The following COL5A1 variants were observed in gnomAD, a reference collection of about 807,000 sequenced individuals.
The protein encoded by COL5A1 is collagen alpha-1(V) chain.
In COL5A1, 16 loss-of-function variants were observed where a neutral mutation model predicts 263.7. That is an observed-to-expected ratio of 0.06 (90% CI 0.04 to 0.09). COL5A1 has a LOEUF of 0.09. Among genes scored for constraint, COL5A1 ranks in the 10% least tolerant of loss-of-function variants. COL5A1 has a pLI of 1.00. For missense variants in COL5A1, 2,036 were observed against 2,540.5 expected (o/e 0.80, Z 4.27); for synonymous variants, 1,012 against 1,004.5 (o/e 1.01, Z -0.14).
chr9:134,683,534 C>G (rs982459869), intron 1 of COL5A1, among the ~76,000 whole-genome samples: 3 of 152,210 alleles, frequency 2.0e-5, no homozygotes, highest in Non-Finnish European at 4.4e-5. Flanking sequence ...CTTGATCCAG[C>G]TACTCAAACT....
At chr9:134,712,753 T>C (rs1052201484) in intron 4 of COL5A1, among the ~76,000 whole-genome samples, 1 of 150,636 alleles carries the variant, frequency 6.6e-6, no homozygotes, top group South Asian at 2.1e-4. Context: ...TTTCTGGCCC[T>C]AGACCCTGGT....
intron 64 of COL5A1, among the ~76,000 whole-genome samples, chr9:134,831,754 C>A (rs914336912): frequency 6.6e-6 from 1 of 152,224 alleles, no homozygotes; most frequent in African/African-American, 2.4e-5. Context: ...CTATTTTCCT[C>A]GCTTGGAGGA....
intron 1 of COL5A1, among the ~76,000 whole-genome samples, chr9:134,684,086 G>A (rs990023957): frequency 2.6e-5 from 4 of 152,198 alleles, no homozygotes; most frequent in African/African-American, 7.2e-5. Flanking sequence ...GTGGAGAAGC[G>A]TTCTTTCATG....
intron 2 of COL5A1, among the ~76,000 whole-genome samples, chr9:134,697,784 C>A (rs1833533247): frequency 6.6e-6 from 1 of 152,168 alleles, no homozygotes; most frequent in Admixed American, 6.5e-5. Flanking sequence ...TCTCCAGAGT[C>A]CCCCGCCCAC....
intron 22 of COL5A1, 60 bp from the exon 23 acceptor site, chr9:134,766,940 C>G: frequency 6.6e-7 from 1 of 1,512,706 alleles, no homozygotes; most frequent in Non-Finnish European, 9.1e-7. Flanking sequence ...CACACGACAC[C>G]CAGGAAGGGG....
intron 57 of COL5A1, among the ~76,000 whole-genome samples, chr9:134,819,274 C>T (rs1006108282): frequency 2.0e-5 from 3 of 152,150 alleles, no homozygotes; most frequent in South Asian, 2.1e-4. Flanking sequence ...CGGGAGATCC[C>T]GGAGGCCCCT....
Position 134,652,930 on chromosome 9 carries a change from G to GTT in COL5A1, c.109+10634_109+10635insTT, listed in dbSNP as rs1409879216. 6.1e-6 allele frequency: 2 copies of GTT among 325,916 alleles called. No individual in the cohort carries two copies. The highest frequency in any genetic ancestry group is 6.2e-6 in the Non-Finnish European group (1 of 161,342). 20.2% of individuals were successfully genotyped at this position (325,916 alleles called of 1,614,324 possible). On this transcript the variant is annotated intron_variant, in intron 1 of 65. Coordinates refer to ENST00000371817, the MANE Select transcript of COL5A1 (RefSeq NM_000093.5). This position sits in a 1 kb window ranked among gnomAD's most constrained non-coding sequence, Gnocchi z 4.4. ...ACGAAGTCAGTTCCCAGACCACGCG[G>GTT]ATGCTGGAGCGTCTGGGGGTGCCAC...
intron 7 of COL5A1, among the ~76,000 whole-genome samples, chr9:134,731,231 C>T (rs1464436805): frequency 6.6e-6 from 1 of 152,202 alleles, no homozygotes; most frequent in Non-Finnish European, 1.5e-5. Flanking sequence ...TGGGGTGCAG[C>T]CCCTGCCTGA....
chr9:134,728,772 G>A lies in COL5A1; in HGVS notation c.889G>A (p.Val297Met), dbSNP rs757893904. 3.1e-6 allele frequency: 5 copies of A among 1,614,208 alleles called. No homozygotes were observed. Among genetic ancestry groups the A allele is most frequent in the Admixed American group, 1.7e-5 (1 of 60,032 alleles). ...GGAGCCCACCCCCAGCAAGAAGCCC[G>A]TGGAAGCTGCCAAAGAAACCACAGA... The part of the protein sequence containing the change: ...GKEPTPSKKP[V>M]EAAKETTEVP... The change falls in exon 6 of 66, where the codon GTG (valine) becomes ATG (methionine). Residue 297 changes from valine (V) to methionine (M), a missense_variant. Physicochemically the swap from Val to Met is conservative, Grantham distance 21. Coordinates refer to ENST00000371817, the MANE Select transcript of COL5A1 (RefSeq NM_000093.5).
chr9:134,830,237 CG>C, intron 64 of COL5A1, 193 bp downstream of exon 64: 1 of 1,526,540 alleles, frequency 6.6e-7, no homozygotes, highest in Non-Finnish European at 8.9e-7. Context: ...GGCTGGCTCG[CG>C]GCTCTGCATG....
chr9:134,764,772 G>C (rs1296192584), intron 20 of COL5A1, among the ~76,000 whole-genome samples: 2 of 152,058 alleles, frequency 1.3e-5, no homozygotes, highest in African/African-American at 4.8e-5. Flanking sequence ...TAGCCTCTAA[G>C]GAGAATTCAT....
Position 134,732,100 on chromosome 9 carries a change from A to T in COL5A1, c.1362A>T (p.Gln454His). The T allele has an allele frequency of 1.2e-6, 2 of 1,614,234 alleles. No individual in the cohort carries two copies. Among genetic ancestry groups the T allele is most frequent in the Non-Finnish European group, 1.7e-6 (2 of 1,180,032 alleles). The change falls in exon 9 of 66, where the codon CAA (glutamine) becomes CAT (histidine). Residue 454 changes from glutamine (Q) to histidine (H), a missense_variant. Physicochemically the swap from Gln to His is conservative, Grantham distance 24. Around this residue, in one of 3 missense-constraint regions of COL5A1, gnomAD observed 600 missense variants for 634.5 expected, o/e 0.95. Coordinates refer to ENST00000371817, the MANE Select transcript of COL5A1 (RefSeq NM_000093.5). ...GAGGACCTCGGGGCGAGAAAGGCCA[A>T]AAGGGAGAACCAGCGATTATCGAGC... Reference protein sequence around the residue: ...GIGGPRGEKGQKGEPAIIEPG... With the variant: ...GIGGPRGEKGHKGEPAIIEPG...
intron 46 of COL5A1, among the ~76,000 whole-genome samples, chr9:134,811,876 C>T (rs1242671031): frequency 1.3e-5 from 2 of 152,180 alleles, no homozygotes; most frequent in Non-Finnish European, 2.9e-5. Context: ...CTAAATGCAC[C>T]TCCTAGAGAT....
chr9:134,811,652 T>G, intron 46 of COL5A1, 53 bp downstream of exon 46: 1 of 1,366,324 alleles, frequency 7.3e-7, no homozygotes, highest in Non-Finnish European at 1.0e-6. Flanking sequence ...ACGCCCCCTG[T>G]GTCTTCATTG....
At position 134,741,088 on chromosome 9, in the gene COL5A1, G is replaced by A. The variant is rs1453709315; in HGVS notation, c.1494+2280G>A. 1.3e-5 allele frequency among the ~76,000 whole-genome samples: 2 copies of A among 152,278 alleles called. No individual in the cohort carries two copies. The highest frequency in any genetic ancestry group is 2.1e-4 in the South Asian group (1 of 4,824). ...AAGCCATCCCTGCTCACCGCTCAGC[G>A]CCCTCTTGATGTCCAGATCTTGCTC... On this transcript the variant is annotated intron_variant, in intron 11 of 65. Transcript: ENST00000371817. The surrounding 1 kb of genome is among the most constrained non-coding windows in gnomAD (Gnocchi z 4.5).
chr9:134,783,388 A>G (rs1837332339), intron 29 of COL5A1, among the ~76,000 whole-genome samples: 1 of 152,244 alleles, frequency 6.6e-6, no homozygotes, highest in Non-Finnish European at 1.5e-5. Flanking sequence ...GACGGGCTGC[A>G]CGTTCCTGTA....
intron 1 of COL5A1, among the ~76,000 whole-genome samples, chr9:134,675,343 A>C (rs1832657066): frequency 1.3e-5 from 2 of 151,578 alleles, no homozygotes; most frequent in East Asian, 3.9e-4. Flanking sequence ...CCTTGCCAAA[A>C]ATTGGTCACT....
intron 46 of COL5A1, 66 bp downstream of exon 46, chr9:134,811,665 C>A: frequency 7.7e-7 from 1 of 1,293,704 alleles, no homozygotes. Context: ...CTTCATTGTG[C>A]TCTCTCCTCT....
At chr9:134,654,873 G>C (rs1390212370) in intron 1 of COL5A1, among the ~76,000 whole-genome samples, 2 of 136,692 alleles carry the variant, frequency 1.5e-5, no homozygotes, top group Non-Finnish European at 3.1e-5. Flanking sequence ...AGTGTCTAGG[G>C]CTGGGGGTGT....
Sources: gnomAD v4.1 joint callset for allele counts (sites outside exome capture counted in the v4.1 genomes callset) on GRCh38, gnomAD v4.1.1 for gene constraint, gnomAD v4.1.1 regional missense constraint, Gnocchi (gnomAD v3.1) non-coding constraint, MANE v1.5 for transcripts, NCBI Gene and HGNC (gene_info 2026-07-23, HGNC 2026-07-21) for gene names.